Variants in OR1L8 observed in about 807,000 individuals in gnomAD.
OR1L8 encodes olfactory receptor 1L8.
For synonymous variants in OR1L8, 148 were observed against 147.0 expected (o/e 1.01, Z -0.05); for missense variants, 330 against 377.4 (o/e 0.87, Z 1.04).
chr9:122,555,274 C>T, the OR1L8 span, among the ~76,000 whole-genome samples: 1 of 152,164 alleles, frequency 6.6e-6, no homozygotes, highest in African/African-American at 2.4e-5. Context: ...GCTTAAGGAT[C>T]TTCCTTTAAG....
Position 122,567,404 on chromosome 9 carries a change from A to G in OR1L8, c.*144T>C, listed in dbSNP as rs926365931. 2.6e-5 allele frequency: 15 copies of G among 577,298 alleles called. No individual in the cohort carries two copies. The Admixed American group carries it at 2.7e-4, about 10-fold the overall frequency. The allele number at this position is 577,298 out of a possible 1,614,324, so 35.8% of individuals were successfully genotyped here. A position where few individuals can be genotyped will look rare whatever the true frequency, so the allele number is the denominator to read the frequency against. ...AGGCCGAATTGTTGGGTCATCATCA[A>G]TGGATGTAAGTGCCCACAATAGCCT... On this transcript the variant is annotated 3_prime_UTR_variant, in exon 5 of 5. Transcript: ENST00000641027.
At chr9:122,553,849 C>G in the OR1L8 span, 1 of 1,614,044 alleles carries the variant, frequency 6.2e-7, no homozygotes, top group Non-Finnish European at 8.5e-7. Context: ...CTCACTGTTC[C>G]CCTCCTGCTG....
downstream of OR1L8, among the ~76,000 whole-genome samples, chr9:122,562,687 G>A (rs746932587): frequency 7.2e-5 from 11 of 152,168 alleles, no homozygotes; most frequent in Non-Finnish European, 1.5e-4. Flanking sequence ...CTTGGTTGCC[G>A]TTGCAGGGTT....
chr9:122,575,730 A>G (rs1000049242), intron 3 of OR1L8, among the ~76,000 whole-genome samples: 6 of 152,208 alleles, frequency 3.9e-5, no homozygotes, highest in South Asian at 2.1e-4. Flanking sequence ...TAACATATCT[A>G]TAATCTCACA....
At chr9:122,581,724 A>G (rs1829740956) in intron 1 of OR1L8, among the ~76,000 whole-genome samples, 1 of 152,102 alleles carries the variant, frequency 6.6e-6, no homozygotes, top group Non-Finnish European at 1.5e-5. Flanking sequence ...AGGCGGGTAG[A>G]TCACCTGAGG....
At chr9:122,579,900 C>T (rs945082720) in intron 1 of OR1L8, among the ~76,000 whole-genome samples, 1 of 152,060 alleles carries the variant, frequency 6.6e-6, no homozygotes, top group Non-Finnish European at 1.5e-5. Context: ...TAGGAATAAA[C>T]TTAAGCGCAA....
At chr9:122,574,916 G>A (rs928372070) in intron 3 of OR1L8, among the ~76,000 whole-genome samples, 2 of 152,030 alleles carry the variant, frequency 1.3e-5, no homozygotes, top group African/African-American at 4.8e-5. Flanking sequence ...GATGGGTGTT[G>A]GAGTTTGTCA....
At chr9:122,553,321 T>G in the OR1L8 span, 6 of 1,614,052 alleles carry the variant, frequency 3.7e-6, no homozygotes, top group Non-Finnish European at 4.2e-6. Context: ...TTCCTTGGCA[T>G]GTACCTGGTC....
At chr9:122,569,561 T>C (rs926857471) in intron 4 of OR1L8, among the ~76,000 whole-genome samples, 5 of 152,346 alleles carry the variant, frequency 3.3e-5, no homozygotes, top group Middle Eastern at 3.4e-3. Flanking sequence ...CATAGAGATT[T>C]TCAAGCATTT....
chr9:122,549,553 T>C, the OR1L8 span, among the ~76,000 whole-genome samples: 8 of 152,164 alleles, frequency 5.3e-5, no homozygotes, highest in Non-Finnish European at 1.2e-4. Flanking sequence ...GTGAGAAATA[T>C]GGGTCCAGTT....
downstream of OR1L8, among the ~76,000 whole-genome samples, chr9:122,566,007 T>C (rs1829421877): frequency 6.6e-6 from 1 of 152,136 alleles, no homozygotes; most frequent in East Asian, 1.9e-4. Context: ...CTATGGAGTA[T>C]GATCCAATGA....
chr9:122,575,683 A>T (rs571125620), intron 3 of OR1L8, among the ~76,000 whole-genome samples: 3 of 152,212 alleles, frequency 2.0e-5, no homozygotes, highest in Non-Finnish European at 2.9e-5. Flanking sequence ...TATGAGATAC[A>T]TATAGAGAGT....
intron 1 of OR1L8, among the ~76,000 whole-genome samples, chr9:122,579,525 G>T (rs1033570017): frequency 1.3e-5 from 2 of 152,108 alleles, no homozygotes; most frequent in African/African-American, 2.4e-5. Flanking sequence ...GCTGGATGAG[G>T]TTCTTATACA....
chr9:122,548,645 C>T, the OR1L8 span, among the ~76,000 whole-genome samples: 2 of 151,506 alleles, frequency 1.3e-5, no homozygotes, highest in African/African-American at 2.4e-5. Flanking sequence ...GCACAACGTG[C>T]AGGTTTGTTA....
chr9:122,573,461 T>A (rs1223785990), intron 3 of OR1L8, among the ~76,000 whole-genome samples: 1 of 152,210 alleles, frequency 6.6e-6, no homozygotes, highest in East Asian at 1.9e-4. Flanking sequence ...CAGTGGTATG[T>A]CATTGTTGTT....
At chr9:122,576,388 ATTT>A (rs71371951) in intron 3 of OR1L8, among the ~76,000 whole-genome samples, 4,912 of 138,592 alleles carry the variant, frequency 0.035, 181 homozygotes, top group African/African-American at 0.092. Flanking sequence ...CGCCCAGCTA[ATTT>A]TTTTTTTTTT....
intron 4 of OR1L8, 105 bp from the exon 5 acceptor site, chr9:122,568,794 G>A (rs1411163272): frequency 3.0e-5 from 7 of 233,412 alleles, no homozygotes; most frequent in South Asian, 1.1e-4. Context: ...TTCACCTGCC[G>A]GGGACATAGC....
chr9:122,581,557 T>C (rs1416122499), intron 1 of OR1L8, among the ~76,000 whole-genome samples: 1 of 152,196 alleles, frequency 6.6e-6, no homozygotes, highest in African/African-American at 2.4e-5. Flanking sequence ...CTCCTAGATA[T>C]ATCTACTTCC....
At chr9:122,559,893 T>G in the OR1L8 span, among the ~76,000 whole-genome samples, 1 of 152,208 alleles carries the variant, frequency 6.6e-6, no homozygotes, top group South Asian at 2.1e-4. Flanking sequence ...TTGTTAATTT[T>G]CTGTCTCATT....
Sources: allele counts gnomAD v4.1 joint callset (sites outside exome capture counted in the v4.1 genomes callset), GRCh38; gene constraint gnomAD v4.1.1; transcripts MANE v1.5; gene names NCBI Gene and HGNC (gene_info 2026-07-23, HGNC 2026-07-21).